Variants in PDE1A observed in about 807,000 individuals in gnomAD.
PDE1A encodes phosphodiesterase 1A.
A neutral mutation model predicts 61.7 loss-of-function variants in PDE1A; 35 were observed. The ratio of observed to expected loss-of-function variants is 0.57; its 90% CI spans 0.43 to 0.75. The LOEUF (loss-of-function observed/expected upper bound fraction) is 0.75, where lower values mean the gene tolerates loss of function less well. Among genes scored for constraint, PDE1A ranks in the 30% least tolerant of loss-of-function variants. PDE1A has a pLI of 0.00. For synonymous variants in PDE1A, 232 were observed against 213.2 expected (o/e 1.09, Z -0.77); for missense variants, 597 against 630.6 (o/e 0.95, Z 0.57).
the PDE1A span, among the ~76,000 whole-genome samples, chr2:182,675,255 G>A: frequency 1.3e-5 from 2 of 152,044 alleles, no homozygotes; most frequent in Admixed American, 6.6e-5. Flanking sequence ...ATGGCCTCCA[G>A]CTCCATCCAT....
chr2:182,362,837 T>C (rs1403719743), intron 1 of PDE1A, among the ~76,000 whole-genome samples: 2 of 152,038 alleles, frequency 1.3e-5, no homozygotes, highest in Non-Finnish European at 2.9e-5. Context: ...AATGATAGAC[T>C]GGATAAAGAA....
At chr2:182,692,939 T>C in the PDE1A span, among the ~76,000 whole-genome samples, 1 of 152,042 alleles carries the variant, frequency 6.6e-6, no homozygotes, top group Non-Finnish European at 1.5e-5. Context: ...CTAGTTTCCA[T>C]TTTTATTGTC....
chr2:182,490,711 A>C lies in PDE1A; in HGVS notation c.101+31565T>G, dbSNP rs112376296. ...TTTTAACCTGAAAATATTATGGTAC[A>C]CTTATAGGCTGATCAGAATTATACA... On this transcript the variant is annotated intron_variant, in intron 2 of 14. Coordinates refer to the PDE1A transcript ENST00000410103. Among the ~76,000 whole-genome samples the C allele has an allele frequency of 6.9e-3, 1,046 of 152,262 alleles. 13 individuals carry two copies. The highest frequency in any genetic ancestry group is 0.024 in the African/African-American group (984 of 41,562).
the PDE1A span, among the ~76,000 whole-genome samples, chr2:182,710,948 G>T: frequency 3.9e-5 from 6 of 152,036 alleles, no homozygotes; most frequent in Admixed American, 3.3e-4. Flanking sequence ...ATCTTTTGTT[G>T]CTCTCCTCCA....
At chr2:182,184,898 C>CA (rs1378474049) in intron 13 of PDE1A, among the ~76,000 whole-genome samples, 13 of 151,976 alleles carry the variant, frequency 8.6e-5, no homozygotes, top group Non-Finnish European at 4.4e-5. Flanking sequence ...TAGGTATTTG[C>CA]AATACCATAT....
chr2:182,386,206 T>A (rs1701068334), intron 1 of PDE1A, among the ~76,000 whole-genome samples: 1 of 152,062 alleles, frequency 6.6e-6, no homozygotes, highest in Non-Finnish European at 1.5e-5. Flanking sequence ...AACCTCCACC[T>A]CCCAGCCGCC....
the PDE1A span, among the ~76,000 whole-genome samples, chr2:182,688,005 C>T: frequency 6.6e-6 from 1 of 152,114 alleles, no homozygotes; most frequent in East Asian, 1.9e-4. Context: ...ATGAACAAAG[C>T]CTCCAAGAAA....
chr2:182,321,667 G>C (rs998760691), intron 1 of PDE1A, among the ~76,000 whole-genome samples: 5 of 152,058 alleles, frequency 3.3e-5, no homozygotes, highest in Non-Finnish European at 5.9e-5. Flanking sequence ...ATGGAATAAA[G>C]ATCTTGGCCT....
chr2:182,506,948 T>C (rs1482592849), intron 2 of PDE1A, among the ~76,000 whole-genome samples: 2 of 152,234 alleles, frequency 1.3e-5, no homozygotes, highest in Non-Finnish European at 2.9e-5. Context: ...TTCACAGAAA[T>C]CTAAGAGCAA....
chr2:182,677,633 A>T, the PDE1A span, among the ~76,000 whole-genome samples: 8 of 152,234 alleles, frequency 5.3e-5, no homozygotes, highest in African/African-American at 1.9e-4. Context: ...AAACGATGCT[A>T]CAGGGCTACA....
At chr2:182,697,993 T>C in the PDE1A span, among the ~76,000 whole-genome samples, 1 of 152,226 alleles carries the variant, frequency 6.6e-6, no homozygotes, top group African/African-American at 2.4e-5. Context: ...TAAATGTTAG[T>C]TCCTCTCTCT....
the PDE1A span, among the ~76,000 whole-genome samples, chr2:182,572,670 A>C: frequency 6.6e-6 from 1 of 152,088 alleles, no homozygotes; most frequent in Non-Finnish European, 1.5e-5. Context: ...GGAGATCGAG[A>C]CCATCCTGGC....
chr2:182,224,824 C>T (rs1689009575), intron 6 of PDE1A, among the ~76,000 whole-genome samples: 1 of 151,900 alleles, frequency 6.6e-6, no homozygotes, highest in Admixed American at 6.6e-5. Flanking sequence ...TCACATGTGA[C>T]AAGTGGTTAC....
intron 1 of PDE1A, among the ~76,000 whole-genome samples, chr2:182,363,216 A>T (rs1462671704): frequency 6.6e-6 from 1 of 152,010 alleles, no homozygotes; most frequent in East Asian, 1.9e-4. Context: ...ACCTGAACTT[A>T]AAAGTTAAAT....
At chr2:182,485,677 A>G (rs1404782717) in intron 2 of PDE1A, among the ~76,000 whole-genome samples, 2 of 152,186 alleles carry the variant, frequency 1.3e-5, no homozygotes, top group East Asian at 1.9e-4. Flanking sequence ...GGAATGCGAG[A>G]CAAGTTTAAA....
At chr2:182,695,071 G>C in the PDE1A span, among the ~76,000 whole-genome samples, 7 of 152,076 alleles carry the variant, frequency 4.6e-5, no homozygotes, top group African/African-American at 1.7e-4. Context: ...TATAATTAAT[G>C]AGTATTCCTA....
intron 2 of PDE1A, among the ~76,000 whole-genome samples, chr2:182,462,449 C>G (rs539992859): frequency 1.3e-5 from 2 of 151,940 alleles, no homozygotes; most frequent in Admixed American, 6.6e-5. Context: ...TGGTGTTTAA[C>G]AGTCTGTTAG....
the PDE1A span, among the ~76,000 whole-genome samples, chr2:182,622,809 G>A: frequency 3.9e-5 from 6 of 152,058 alleles, no homozygotes. Context: ...GGTCCAAAAT[G>A]AGAAGAAAAC....
chr2:182,158,513 C>T (rs1691214611), intron 13 of PDE1A, among the ~76,000 whole-genome samples: 1 of 152,148 alleles, frequency 6.6e-6, no homozygotes, highest in East Asian at 1.9e-4. Context: ...ATAGAAGTCT[C>T]ATCTAAGATG....
Sources: allele counts gnomAD v4.1 joint callset (sites outside exome capture counted in the v4.1 genomes callset), GRCh38; gene constraint gnomAD v4.1.1; transcripts MANE v1.5; gene names NCBI Gene and HGNC (gene_info 2026-07-23, HGNC 2026-07-21).